Variants in COL6A3 observed in about 807,000 individuals in gnomAD.
COL6A3 encodes the protein collagen alpha-3(VI) chain.
Under a neutral mutation model 274.1 loss-of-function variants are expected in COL6A3, and 137 were observed. The observed-to-expected ratio is 0.50, with a 90% CI of 0.44 to 0.58. The LOEUF (loss-of-function observed/expected upper bound fraction) is 0.58. COL6A3 is among the 20% of genes least tolerant of loss of function. COL6A3 has a pLI of 0.00. For synonymous variants in COL6A3, 1,650 were observed against 1,650.6 expected (o/e 1.00, Z 0.01); for missense variants, 3,950 against 4,124.9 (o/e 0.96, Z 1.16).
chr2:237,349,093 C>G (rs2077153615), intron 28 of COL6A3, among the ~76,000 whole-genome samples: 2 of 151,834 alleles, frequency 1.3e-5, no homozygotes, highest in African/African-American at 4.8e-5. Flanking sequence ...GTCATATTCC[C>G]CCTCCCCATA....
Position 237,336,450 on chromosome 2 carries a change from T to C in COL6A3, c.8650A>G (p.Thr2884Ala). 1 of 1,614,148 alleles carries C rather than the reference T, an allele frequency of 6.2e-7. No individual in the cohort carries two copies. The highest frequency in any genetic ancestry group is 1.1e-5 in the South Asian group (1 of 91,074). Reference protein sequence around the residue: ...TKPVTTTKPVTTTTKPVTTTT... With the variant: ...TKPVTTTKPVATTTKPVTTTT... ...GTGGTTACAGGCTTTGTTGTGGTGG[T>C]CACCGGCTTCGTCGTAGTCACCGGC... Residue 2884 changes from threonine (T) to alanine (A), a missense_variant, in exon 40 of 44, where the codon ACC becomes GCC. Thr to Ala is a moderately conservative substitution (Grantham distance 58). Around this residue, in one of 5 missense-constraint regions of COL6A3, gnomAD observed 1,284 missense variants for 1,349.7 expected, o/e 0.95. Transcript: ENST00000295550.
intron 3 of COL6A3, among the ~76,000 whole-genome samples, chr2:237,391,182 G>A (rs1438725049): frequency 6.6e-6 from 1 of 152,158 alleles, no homozygotes; most frequent in African/African-American, 2.4e-5. Flanking sequence ...TTTTTGCCGT[G>A]GAACATGCAG....
intron 1 of COL6A3, among the ~76,000 whole-genome samples, chr2:237,402,109 T>C (rs2078605854): frequency 6.6e-6 from 1 of 152,162 alleles, no homozygotes; most frequent in Non-Finnish European, 1.5e-5. Context: ...CTAAGTGAAA[T>C]AAGCCAGTCA....
At chr2:237,367,426 C>A (rs1052721720) in intron 10 of COL6A3, 140 bp from the exon 11 acceptor site, 6 of 999,526 alleles carry the variant, frequency 6.0e-6, no homozygotes, top group African/African-American at 3.3e-5. Flanking sequence ...CAAATCCATG[C>A]CTCTTTAGCC....
intron 40 of COL6A3, among the ~76,000 whole-genome samples, chr2:237,335,671 A>C (rs1253381946): frequency 3.9e-5 from 6 of 152,180 alleles, no homozygotes; most frequent in Non-Finnish European, 8.8e-5. Context: ...TTGCAGTTGC[A>C]AAGGGCTCCC....
Position 237,359,032 on chromosome 2 carries a change from T to C in COL6A3, c.6408+3A>G, listed in dbSNP as rs757714136. 1 of 1,613,470 alleles carries C rather than the reference T, an allele frequency of 6.2e-7. No individual in the cohort carries two copies. Among genetic ancestry groups the C allele is most frequent in the Non-Finnish European group, 8.5e-7 (1 of 1,179,390 alleles). ...AATAGCACCACCGTGGAAATACACC[T>C]ACCCTTCTTCCAGGATTCCCTTTCT... is the stretch of plus-strand genomic sequence containing the variant. On this transcript the variant is annotated splice_donor_region_variant and intron_variant, in intron 20 of 43. Transcript: ENST00000295550.
intron 36 of COL6A3, chr2:237,342,628 C>T (rs953692517): frequency 3.7e-5 from 6 of 163,370 alleles, no homozygotes; most frequent in Non-Finnish European, 6.8e-5. Context: ...TCCTGTCTAT[C>T]GCCGTACCTG....
At chr2:237,401,888 T>C (rs1166680259) in intron 1 of COL6A3, among the ~76,000 whole-genome samples, 7 of 152,080 alleles carry the variant, frequency 4.6e-5, no homozygotes, top group Non-Finnish European at 8.8e-5. Context: ...TTTTGCCATG[T>C]TGCCCAGGCT....
chr2:237,393,963 G>GA (rs1163694336), intron 3 of COL6A3, among the ~76,000 whole-genome samples: 1 of 152,186 alleles, frequency 6.6e-6, no homozygotes, highest in Non-Finnish European at 1.5e-5. Flanking sequence ...GCATGGAGAA[G>GA]AAATAAGAAG....
chr2:237,408,565 T>C (rs2078777154), intron 1 of COL6A3, among the ~76,000 whole-genome samples: 1 of 152,218 alleles, frequency 6.6e-6, no homozygotes, highest in African/African-American at 2.4e-5. Context: ...CTGAGTCAAC[T>C]CCAGCTGCTG....
At chr2:237,353,627 C>T (rs1481816618) in intron 24 of COL6A3, among the ~76,000 whole-genome samples, 1 of 152,198 alleles carries the variant, frequency 6.6e-6, no homozygotes, top group East Asian at 1.9e-4. Context: ...TCTTGCCTCA[C>T]CTCTCCTCGG....
rs755297242 is a variant in COL6A3, at chr2:237,384,833, G to A, written c.1312+2749C>T. 1.6e-4 allele frequency among the ~76,000 whole-genome samples: 25 copies of A among 152,186 alleles called. 1 individual carries two copies. The Middle Eastern group carries it at 0.01, about 62-fold the overall frequency. ...TCCCAACCCACAGGCTCCACTCCCT[G>A]TGGCTTCTCATCCCCCTACAGCAGC... On this transcript the variant is annotated intron_variant, in intron 4 of 43. Transcript: ENST00000295550.
At position 237,344,999 on chromosome 2, in the gene COL6A3, T is replaced by C. The variant is rs2077069117; in HGVS notation, c.7163-47A>G. ...GAAAGGGTGAGAGACTACTCTACCA[T>C]GTGAGAATTTCGAATGTAAAAATAT... On this transcript the variant is annotated intron_variant, in intron 34 of 43. Coordinates refer to ENST00000295550, the MANE Select transcript of COL6A3 (RefSeq NM_004369.4). This position sits in a 1 kb window ranked among gnomAD's most constrained non-coding sequence, Gnocchi z 4.8. 2 of 1,614,048 alleles carry C rather than the reference T, an allele frequency of 1.2e-6. No homozygotes were observed. Among genetic ancestry groups the C allele is most frequent in the African/African-American group, 1.3e-5 (1 of 74,928 alleles).
At chr2:237,329,212 G>C (rs1700100854) in intron 42 of COL6A3, 1 of 152,004 alleles carries the variant, frequency 6.6e-6, no homozygotes. Context: ...GAGCCATCAT[G>C]CTTGGCTAAT....
Position 237,385,047 on chromosome 2 carries a change from C to T in COL6A3, c.1312+2535G>A, listed in dbSNP as rs143643111. Among the ~76,000 whole-genome samples the T allele has an allele frequency of 2.1e-3, 314 of 152,216 alleles. 1 individual carries two copies. Among genetic ancestry groups the T allele is most frequent in the African/African-American group, 7.2e-3 (298 of 41,502 alleles). ...TGCTCTCCGCATGCTCATCTGCCTTCGGTTCCACACCTTCTCAGGGCCTTC... is the reference window on the plus strand; with the variant it reads ...TGCTCTCCGCATGCTCATCTGCCTTTGGTTCCACACCTTCTCAGGGCCTTC... On this transcript the variant is annotated intron_variant, in intron 4 of 43. Coordinates refer to ENST00000295550, the MANE Select transcript of COL6A3 (RefSeq NM_004369.4).
rs1388111213 is a variant in COL6A3, at chr2:237,368,501, T to C, written c.4900+62A>G. 2 of 1,592,022 alleles carry C rather than the reference T, an allele frequency of 1.3e-6. No homozygotes were observed. ...TTATTAAAAATGACTACTGATTACT[T>C]TTTTAACTAAAAAAAAAATGTTGAT... On this transcript the variant is annotated intron_variant, in intron 10 of 43. Transcript: ENST00000295550. The surrounding 1 kb of genome is among the most constrained non-coding windows in gnomAD (Gnocchi z 4.4).
chr2:237,351,274 C>G, intron 26 of COL6A3, 82 bp from the exon 27 acceptor site: 1 of 1,370,840 alleles, frequency 7.3e-7, no homozygotes. Context: ...CTCTCCCCTG[C>G]ATGGAAGTCA....
At chr2:237,360,057 C>A (rs752667401) in intron 17 of COL6A3, 31 bp downstream of exon 17, 1 of 1,612,470 alleles carries the variant, frequency 6.2e-7, no homozygotes. Context: ...GACCCCTCCC[C>A]ACGCTAGCAA....
chr2:237,363,169 C>G, intron 14 of COL6A3, 84 bp downstream of exon 14: 1 of 1,314,726 alleles, frequency 7.6e-7, no homozygotes, highest in Non-Finnish European at 1.1e-6. Flanking sequence ...CATTCACCTG[C>G]TGATAATTAA....
Sources: allele counts gnomAD v4.1 joint callset (sites outside exome capture counted in the v4.1 genomes callset), GRCh38; gene constraint gnomAD v4.1.1; regional missense constraint gnomAD v4.1.1; non-coding constraint Gnocchi (gnomAD v3.1); transcripts MANE v1.5; gene names NCBI Gene and HGNC (gene_info 2026-07-23, HGNC 2026-07-21).